Variants in CSRP2 observed in about 807,000 individuals in gnomAD.
The protein encoded by CSRP2 is cysteine and glycine-rich protein 2.
CSRP2 carries 18 observed loss-of-function variants against 24.6 expected under a neutral mutation model. The observed-to-expected ratio is 0.73, with a 90% CI of 0.51 to 1.09. The LOEUF is 1.09. Ranked by LOEUF, CSRP2 falls within the 50% of genes least tolerant of loss-of-function variation. The pLI is 0.00. For missense variants in CSRP2, 215 were observed against 239.4 expected (o/e 0.90, Z 0.67); for synonymous variants, 87 against 84.3 (o/e 1.03, Z -0.18).
chr12:76,872,456 T>A (rs1470970836), intron 1 of CSRP2, among the ~76,000 whole-genome samples: 1 of 152,228 alleles, frequency 6.6e-6, no homozygotes, highest in Non-Finnish European at 1.5e-5. Context: ...GCCCTGGCTC[T>A]TAGAGCCAGG....
chr12:76,863,195 G>T lies in CSRP2; in HGVS notation c.262C>A (p.Leu88Met). ...GTLNMDRGER[L>M]GIKPESVQPH... ...ACTCACCTCTCTGGTTTGATGCCCA[G>T]CCTCTCGCCACGGTCCATGTTAAGC... The change falls in exon 3 of 6, where the codon CTG becomes ATG. Residue 88 changes from leucine (L) to methionine (M), a missense_variant. By Grantham distance (15) the Leu-to-Met change is conservative. Coordinates refer to ENST00000311083, the MANE Select transcript of CSRP2 (RefSeq NM_001321.3). 1 of 1,613,490 alleles carries T rather than the reference G, an allele frequency of 6.2e-7. No homozygotes were observed.
intron 1 of CSRP2, among the ~76,000 whole-genome samples, chr12:76,871,900 A>T: frequency 7.1e-6 from 1 of 141,314 alleles, no homozygotes; most frequent in African/African-American, 2.6e-5. Context: ...TGCTGTGCAT[A>T]AAAAAAAAAA....
chr12:76,863,577 A>G (rs974464193), intron 2 of CSRP2: 2 of 426,744 alleles, frequency 4.7e-6, no homozygotes, highest in Non-Finnish European at 8.2e-6. Context: ...ATGTATCAGA[A>G]TATAACATCC....
chr12:76,861,096 G>T (rs1953671995), intron 3 of CSRP2: 1 of 151,776 alleles, frequency 6.6e-6, no homozygotes, highest in South Asian at 2.1e-4. Context: ...GCTATCAGTA[G>T]GAACTGTTTC....
intron 2 of CSRP2, chr12:76,864,807 C>T (rs924200261): frequency 6.6e-6 from 1 of 152,112 alleles, no homozygotes; most frequent in African/African-American, 2.4e-5. Flanking sequence ...ACTGTTGAGG[C>T]TCAAGTGCTG....
chr12:76,868,521 T>G (rs968927206), intron 1 of CSRP2, among the ~76,000 whole-genome samples: 1 of 152,234 alleles, frequency 6.6e-6, no homozygotes, highest in Admixed American at 6.5e-5. Context: ...CTGCCATAAT[T>G]GTGAGGTCTC....
chr12:76,860,447 G>A (rs754514128), intron 3 of CSRP2, 34 bp from the exon 4 acceptor site: 3 of 1,609,056 alleles, frequency 1.9e-6, no homozygotes, highest in South Asian at 2.2e-5. Flanking sequence ...GTAGGCAAGA[G>A]TTTCCACAGG....
chr12:76,871,427 T>C (rs1386142701), intron 1 of CSRP2, among the ~76,000 whole-genome samples: 1 of 152,222 alleles, frequency 6.6e-6, no homozygotes, highest in African/African-American at 2.4e-5. Flanking sequence ...GACATTAAAA[T>C]GCACTCCAAA....
At position 76,872,665 on chromosome 12, in the gene CSRP2, C is replaced by T. The variant is rs1953812290; in HGVS notation, c.-2+6273G>A. On this transcript the variant is annotated intron_variant, in intron 1 of 5. Transcript: ENST00000311083. Reference sequence around the variant, plus strand: ...ATGACATGCCTGGTCAAACCAATCCCCTAAGCCCTATGTAAATCAGACATC... The same window carrying T: ...ATGACATGCCTGGTCAAACCAATCCTCTAAGCCCTATGTAAATCAGACATC... 4.6e-5 allele frequency among the ~76,000 whole-genome samples: 7 copies of T among 152,208 alleles called. 1 individual carries two copies. The South Asian group carries it at 1.4e-3, about 32-fold the overall frequency.
Position 76,865,937 on chromosome 12 carries a change from A to G in CSRP2, c.112+212T>C, listed in dbSNP as rs765348944. The G allele has an allele frequency of 3.5e-4, 200 of 568,070 alleles. 1 individual carries two copies. The highest frequency in any genetic ancestry group is 9.2e-4 in the Middle Eastern group (2 of 2,176). 35.2% of individuals were successfully genotyped at this position (568,070 alleles called of 1,614,324 possible). ...AAGGCCAAAATGGAGGCCAAAAGCT[A>G]TGGGGACACAAAGGGAGGCTGGGTG... On this transcript the variant is annotated intron_variant, in intron 2 of 5. Transcript: ENST00000311083.
intron 1 of CSRP2, among the ~76,000 whole-genome samples, chr12:76,878,694 G>A (rs1953876052): frequency 1.3e-5 from 2 of 152,258 alleles, no homozygotes; most frequent in African/African-American, 4.8e-5. Flanking sequence ...TGGGATCCCA[G>A]GGCATGGCCT....
chr12:76,877,801 C>G (rs1214936439), intron 1 of CSRP2, among the ~76,000 whole-genome samples: 1 of 152,154 alleles, frequency 6.6e-6, no homozygotes, highest in Admixed American at 6.5e-5. Flanking sequence ...CCAATTCTTT[C>G]TTGAAAAACG....
chr12:76,859,173 C>G (rs1024651606), intron 5 of CSRP2, 145 bp from the exon 6 acceptor site: 2 of 684,464 alleles, frequency 2.9e-6, no homozygotes, highest in African/African-American at 3.6e-5. Flanking sequence ...GTGTCATGTA[C>G]TAAATATCTT....
intron 1 of CSRP2, among the ~76,000 whole-genome samples, chr12:76,866,889 C>G (rs1360726378): frequency 2.0e-5 from 3 of 152,176 alleles, no homozygotes; most frequent in Admixed American, 6.5e-5. Flanking sequence ...GCCGTAACCA[C>G]AACAAACGCC....
Position 76,859,176 on chromosome 12 carries a change from A to AAT in CSRP2, c.506-150_506-149dup, listed in dbSNP as rs1263332746. 7.4e-6 allele frequency: 5 copies of AAT among 679,332 alleles called. No homozygotes were observed. In the African/African-American group the frequency reaches 9.0e-5, roughly 12 times the overall value. 42.1% of individuals were successfully genotyped at this position (679,332 alleles called of 1,614,324 possible). On this transcript the variant is annotated intron_variant, in intron 5 of 5. Coordinates refer to ENST00000311083, the MANE Select transcript of CSRP2 (RefSeq NM_001321.3). ...AAGATGTTAAATGTGTCATGTACTA[A>AAT]ATATCTTAAAGCTGCAAAGACAAGT...
Position 76,858,717 on chromosome 12 carries a change from A to C in CSRP2, c.*235T>G, listed in dbSNP as rs1953644453. On this transcript the variant is annotated 3_prime_UTR_variant, in exon 6 of 6. Transcript: ENST00000311083. ...TTAAAAGACAATGAACACCCAAATC[A>C]AGCTGAAGTTTTATTTAAAATGTAA... The C allele has an allele frequency of 1.3e-5, 5 of 386,734 alleles. No homozygotes were observed. In the South Asian group the frequency reaches 2.6e-4, roughly 20 times the overall value. The allele number at this position is 386,734 out of a possible 1,614,324, so 24.0% of individuals were successfully genotyped here.
intron 2 of CSRP2, 76 bp from the exon 3 acceptor site, chr12:76,863,420 A>C (rs1953704879): frequency 1.4e-6 from 2 of 1,452,642 alleles, no homozygotes; most frequent in Admixed American, 3.7e-5. Flanking sequence ...GCACAGACAC[A>C]TGGCCTACAA....
At chr12:76,878,307 T>C (rs994855183) in intron 1 of CSRP2, 1 of 152,278 alleles carries the variant, frequency 6.6e-6, no homozygotes, top group Non-Finnish European at 1.5e-5. Context: ...GAGTAAGTGA[T>C]TGACATTCCC....
chr12:76,862,015 CTT>C (rs1953685694), intron 3 of CSRP2: 1 of 152,136 alleles, frequency 6.6e-6, no homozygotes, highest in Non-Finnish European at 1.5e-5. Flanking sequence ...CTTAATTTTT[CTT>C]GTCTTCATCT....
Sources: allele counts gnomAD v4.1 joint callset (sites outside exome capture counted in the v4.1 genomes callset), GRCh38; gene constraint gnomAD v4.1.1; transcripts MANE v1.5; gene names NCBI Gene and HGNC (gene_info 2026-07-23, HGNC 2026-07-21).